ASTN2: variants seen among roughly 807,000 people sequenced by gnomAD.
ASTN2 encodes the protein astrotactin-2.
ASTN2 carries 54 observed loss-of-function variants against 139.8 expected under a neutral mutation model. That is an observed-to-expected ratio of 0.39 (90% CI 0.31 to 0.48). The LOEUF (loss-of-function observed/expected upper bound fraction) is 0.48, where lower values mean the gene tolerates loss of function less well. Among genes scored for constraint, ASTN2 ranks in the 20% least tolerant of loss-of-function variants. The probability of loss-of-function intolerance (pLI) is 0.95; values close to 1 mark genes in which losing one functional copy is unlikely to be tolerated. For missense variants in ASTN2, 1,565 were observed against 1,725.1 expected, an observed-to-expected ratio of 0.91 and a Z score of 1.64; for synonymous variants, 756 against 719.5, an observed-to-expected ratio of 1.05 and a Z score of -0.81.
chr9:116,918,550 C>G (rs1834515840), intron 10 of ASTN2, among the ~76,000 whole-genome samples: 1 of 152,190 alleles, frequency 6.6e-6, no homozygotes, highest in Admixed American at 6.5e-5. Flanking sequence ...CCATAGGCTT[C>G]TTTCAAACTT....
At chr9:117,154,117 C>T (rs1038902345) in intron 3 of ASTN2, among the ~76,000 whole-genome samples, 7 of 151,906 alleles carry the variant, frequency 4.6e-5, no homozygotes, top group South Asian at 2.1e-4. Flanking sequence ...TCAACTATAA[C>T]GAATGGCAGG....
chr9:117,003,486 G>A (rs1168696677), intron 7 of ASTN2, among the ~76,000 whole-genome samples: 1 of 139,372 alleles, frequency 7.2e-6, no homozygotes, highest in African/African-American at 2.7e-5. Context: ...AAGTTGAGGA[G>A]GTGGACCTAG....
intron 10 of ASTN2, among the ~76,000 whole-genome samples, chr9:116,941,865 C>G (rs1835240036): frequency 6.6e-6 from 1 of 151,774 alleles, no homozygotes; most frequent in South Asian, 2.1e-4. Context: ...TGGATCAGTA[C>G]TACCAAAACC....
At chr9:117,406,986 C>T (rs1256506528) in intron 1 of ASTN2, among the ~76,000 whole-genome samples, 2 of 152,076 alleles carry the variant, frequency 1.3e-5, no homozygotes, top group Non-Finnish European at 2.9e-5. Flanking sequence ...CAGTGACTCT[C>T]ACATCACTGG....
At chr9:117,348,860 C>A (rs1829303656) in intron 1 of ASTN2, among the ~76,000 whole-genome samples, 2 of 127,916 alleles carry the variant, frequency 1.6e-5, no homozygotes, top group Admixed American at 9.4e-5. Context: ...CCTGTCAGCA[C>A]ATAGAGGAAT....
intron 17 of ASTN2, among the ~76,000 whole-genome samples, chr9:116,629,097 C>T (rs1437211775): frequency 1.3e-5 from 2 of 148,710 alleles, no homozygotes; most frequent in Non-Finnish European, 3.0e-5. Context: ...GCAGCTTTTA[C>T]TGTTTCCAGT....
chr9:116,866,105 T>A (rs1833007398), intron 10 of ASTN2, among the ~76,000 whole-genome samples: 1 of 152,200 alleles, frequency 6.6e-6, no homozygotes, highest in Non-Finnish European at 1.5e-5. Context: ...TGATCTTAAT[T>A]ATCAGCTTCA....
chr9:116,692,786 C>T (rs913288782), intron 16 of ASTN2, among the ~76,000 whole-genome samples: 1 of 152,094 alleles, frequency 6.6e-6, no homozygotes, highest in Non-Finnish European at 1.5e-5. Context: ...TTTTCTTCCC[C>T]TTTTGCCCAG....
intron 1 of ASTN2, among the ~76,000 whole-genome samples, chr9:117,338,993 A>T (rs745880771): frequency 9.2e-5 from 14 of 152,058 alleles, no homozygotes; most frequent in Non-Finnish European, 4.4e-5. Flanking sequence ...AGACACTAGG[A>T]TGTAGACTGA....
chr9:116,817,179 G>C (rs376869702), intron 12 of ASTN2, among the ~76,000 whole-genome samples: 1 of 151,648 alleles, frequency 6.6e-6, no homozygotes, highest in Non-Finnish European at 1.5e-5. Context: ...CTATAGTCCC[G>C]GGTACTAGGG....
At chr9:116,867,139 T>C (rs1278095684) in intron 10 of ASTN2, among the ~76,000 whole-genome samples, 1 of 150,416 alleles carries the variant, frequency 6.6e-6, no homozygotes, top group Non-Finnish European at 1.5e-5. Flanking sequence ...AGAAAGGATG[T>C]GAAAAGATAA....
At chr9:116,945,560 T>G (rs1179689165) in intron 10 of ASTN2, among the ~76,000 whole-genome samples, 1 of 152,206 alleles carries the variant, frequency 6.6e-6, no homozygotes, top group Admixed American at 6.5e-5. Flanking sequence ...GTCACATTTC[T>G]TCTTTTCTTC....
At chr9:116,811,418 T>C (rs1210285780) in intron 12 of ASTN2, among the ~76,000 whole-genome samples, 4 of 152,250 alleles carry the variant, frequency 2.6e-5, no homozygotes, top group Admixed American at 2.6e-4. Context: ...TATTTAAAAA[T>C]ATAATTCCAA....
chr9:117,041,468 G>C (rs1407595040), intron 5 of ASTN2, among the ~76,000 whole-genome samples: 2 of 152,144 alleles, frequency 1.3e-5, no homozygotes, highest in Non-Finnish European at 2.9e-5. Context: ...TGTCACCTTT[G>C]AGTTTCTGTC....
At chr9:116,586,839 C>T (rs55922620) in intron 19 of ASTN2, among the ~76,000 whole-genome samples, 23,797 of 149,204 alleles carry the variant, frequency 0.16, 2,160 homozygotes, top group African/African-American at 0.22. Context: ...CATACACACA[C>T]ACACACACAC....
chr9:116,572,303 T>C (rs1242873780), intron 19 of ASTN2, among the ~76,000 whole-genome samples: 1 of 152,194 alleles, frequency 6.6e-6, no homozygotes, highest in Non-Finnish European at 1.5e-5. Context: ...CCCCAGGGCC[T>C]GCCTGGATCC....
At chr9:117,223,435 G>C (rs1832595691) in intron 2 of ASTN2, among the ~76,000 whole-genome samples, 1 of 152,158 alleles carries the variant, frequency 6.6e-6, no homozygotes, top group Admixed American at 6.5e-5. Context: ...GTCTAAGAGA[G>C]ATGATGAGAC....
chr9:117,126,413 A>C (rs1391010681), intron 4 of ASTN2, among the ~76,000 whole-genome samples: 1 of 152,222 alleles, frequency 6.6e-6, no homozygotes, highest in Non-Finnish European at 1.5e-5. Context: ...CTGAACATCC[A>C]TTTCTTTTAC....
chr9:117,094,164 AAGGG>A lies in ASTN2; in HGVS notation c.1276+1876_1276+1879del, dbSNP rs1564422795. On this transcript the variant is annotated intron_variant, in intron 5 of 22. Coordinates refer to ENST00000313400, the MANE Select transcript of ASTN2 (RefSeq NM_001365068.1). ...GGAGGGAGGGAGGGAGAAAGGGAGG[AAGGG>A]AGGAAGGGAGGGAGGGAGGAGAGGA... Among the ~76,000 whole-genome samples the A allele has an allele frequency of 4.5e-3, 421 of 93,960 alleles. 2 individuals are homozygous for A. The highest frequency in any genetic ancestry group is 0.016 in the African/African-American group (388 of 23,886). 61.6% of individuals were successfully genotyped at this position (93,960 alleles called of 152,430 possible).
Sources: allele counts gnomAD v4.1 joint callset (sites outside exome capture counted in the v4.1 genomes callset), GRCh38; gene constraint gnomAD v4.1.1; transcripts MANE v1.5; gene names NCBI Gene and HGNC (gene_info 2026-07-23, HGNC 2026-07-21).